Variants in AXDND1 observed in about 807,000 individuals in gnomAD.
The protein encoded by AXDND1 is axonemal dynein light chain domain-containing protein 1.
AXDND1 carries 110 observed loss-of-function variants against 137.5 expected under a neutral mutation model. That is an observed-to-expected ratio of 0.80 (90% CI 0.69 to 0.94). The LOEUF (loss-of-function observed/expected upper bound fraction) is 0.94, where lower values mean the gene tolerates loss of function less well. Among genes scored for constraint, AXDND1 ranks in the 40% least tolerant of loss-of-function variants. The probability of loss-of-function intolerance (pLI) is 0.00; values close to 1 mark genes in which losing one functional copy is unlikely to be tolerated. For missense variants in AXDND1, 1,191 were observed against 1,169.8 expected, an observed-to-expected ratio of 1.02 and a Z score of -0.26; for synonymous variants, 414 against 399.7, an observed-to-expected ratio of 1.04 and a Z score of -0.43.
chr1:179,462,153 G>A (rs575765201), intron 16 of AXDND1, among the ~76,000 whole-genome samples: 1 of 152,228 alleles, frequency 6.6e-6, no homozygotes, highest in South Asian at 2.1e-4. Flanking sequence ...TCCTGTTTTT[G>A]CCCATTCAGT....
rs1403395206 is a variant in AXDND1 at position 179,491,572 on chromosome 1, T to G, written c.2126T>G (p.Met709Arg). ...TTACATATATCTATGATCCAGTGGATGGTAAACTTGCTGATTTTAATGATA... is the reference window on the plus strand; with the variant it reads ...TTACATATATCTATGATCCAGTGGAGGGTAAACTTGCTGATTTTAATGATA... ...DELHISMIQW[M>R]VNLLILMIPN... The change falls in exon 19 of 26, where the codon ATG becomes AGG. Residue 709 changes from methionine to arginine, a missense_variant. By Grantham distance (91) the Met-to-Arg change is moderately conservative. Transcript: ENST00000367618. 1.2e-6 allele frequency: 2 copies of G among 1,611,954 alleles called. No individual in the cohort carries two copies.
intron 24 of AXDND1, 118 bp downstream of exon 24, chr1:179,533,995 G>A: frequency 2.6e-6 from 2 of 758,032 alleles, no homozygotes; most frequent in Non-Finnish European, 2.2e-6. Context: ...TCCACATTAG[G>A]GGGATGTGTA....
intron 21 of AXDND1, among the ~76,000 whole-genome samples, chr1:179,520,557 A>G (rs1669956679): frequency 6.6e-6 from 1 of 151,916 alleles, no homozygotes; most frequent in South Asian, 2.1e-4. Context: ...GGACTATGGC[A>G]TGCACCACTG....
At chr1:179,379,531 T>A (rs531566272) in intron 6 of AXDND1, 49 bp downstream of exon 6, 2 of 1,600,578 alleles carry the variant, frequency 1.2e-6, no homozygotes, top group South Asian at 2.2e-5. Context: ...CGGTGGCCCA[T>A]GCCTGTAATC....
chr1:179,462,383 C>A (rs945647765), intron 16 of AXDND1, among the ~76,000 whole-genome samples: 1 of 152,080 alleles, frequency 6.6e-6, no homozygotes, highest in Non-Finnish European at 1.5e-5. Flanking sequence ...GCCTTGAATC[C>A]CAGGGATGAA....
chr1:179,373,979 T>G (rs536001475), intron 4 of AXDND1, among the ~76,000 whole-genome samples: 6 of 152,026 alleles, frequency 3.9e-5, no homozygotes, highest in East Asian at 3.9e-4. Flanking sequence ...TGACAAATGG[T>G]ATCTAATTAA....
At chr1:179,448,101 C>G in intron 16 of AXDND1, 1 of 925,794 alleles carries the variant, frequency 1.1e-6, no homozygotes, top group Non-Finnish European at 1.7e-6. Context: ...TATCAAATTC[C>G]TCATTAATTA....
At chr1:179,491,836 C>A in intron 19 of AXDND1, 99 bp downstream of exon 19, 2 of 1,074,350 alleles carry the variant, frequency 1.9e-6, no homozygotes, top group Non-Finnish European at 2.6e-6. Context: ...TATTTTAAAA[C>A]CTTGAAAGAA....
At chr1:179,418,435 C>T (rs1571738528) in intron 12 of AXDND1, among the ~76,000 whole-genome samples, 1 of 152,262 alleles carries the variant, frequency 6.6e-6, no homozygotes, top group Non-Finnish European at 1.5e-5. Flanking sequence ...ATCTTTTCCC[C>T]ACCTTTTCCC....
chr1:179,411,209 A>G lies in AXDND1; in HGVS notation c.1173A>G (p.Lys391=). The change falls in exon 12 of 26, where the codon AAA becomes AAG. Residue 391 remains lysine (K), a synonymous_variant. Coordinates refer to ENST00000367618, the MANE Select transcript of AXDND1 (RefSeq NM_144696.6). ...GAGAAAGGATGGAGAATGATATGAA[A>G]AAGTTAGTGGCAGAAAGAGATATCT... ...LQRERMENDM[K]KLVAERDIWS... The G allele has an allele frequency of 6.2e-7, 1 of 1,612,804 alleles. No homozygotes were observed.
At chr1:179,512,691 G>A (rs773372085) in intron 21 of AXDND1, among the ~76,000 whole-genome samples, 2 of 152,190 alleles carry the variant, frequency 1.3e-5, no homozygotes, top group Middle Eastern at 3.4e-3. Context: ...CTACTCATCC[G>A]TGAGCTTGGG....
At chr1:179,413,549 T>C (rs4489519) in intron 12 of AXDND1, among the ~76,000 whole-genome samples, 97,778 of 152,118 alleles carry the variant, frequency 0.64, 31,809 homozygotes, top group Middle Eastern at 0.7. Context: ...GCCTTCAGCT[T>C]CATCCATGTT....
intron 15 of AXDND1, among the ~76,000 whole-genome samples, chr1:179,434,739 C>T (rs1657891445): frequency 6.6e-6 from 1 of 152,092 alleles, no homozygotes; most frequent in African/African-American, 2.4e-5. Context: ...AACCCACAGC[C>T]AATATCATAC....
intron 16 of AXDND1, among the ~76,000 whole-genome samples, chr1:179,459,690 TCTTTCTTTCTTTC>T (rs1339503769): frequency 2.1e-5 from 3 of 141,752 alleles, no homozygotes; most frequent in African/African-American, 5.5e-5. Context: ...TCTTTTCTTT[TCTTTCTTTCTTTC>T]CTTTCTTTCT....
intron 21 of AXDND1, among the ~76,000 whole-genome samples, chr1:179,511,772 G>A (rs1317694025): frequency 6.6e-6 from 1 of 151,990 alleles, no homozygotes. Flanking sequence ...GAGTAGGGTG[G>A]TATTGCATTG....
chr1:179,503,636 G>A (rs1321681716), intron 20 of AXDND1, among the ~76,000 whole-genome samples: 2 of 151,968 alleles, frequency 1.3e-5, no homozygotes, highest in African/African-American at 2.4e-5. Flanking sequence ...CATGTGCCAT[G>A]TTGGTGTGCT....
At chr1:179,506,943 G>C in intron 20 of AXDND1, 2 of 974,848 alleles carry the variant, frequency 2.1e-6, no homozygotes, top group Non-Finnish European at 2.4e-6. Flanking sequence ...TCAAGCCCCA[G>C]CTTTCCTTCC....
rs776768071 is a variant in AXDND1, at chr1:179,525,357, G to A, written c.2520G>A (p.Glu840=). ...AGGAGGCTGTAAAAGAATTCATTGA[G>A]CCTGAAATAGACGAGTCTTTTAAAG... ...LEEEAVKEFI[E]PEIDESFKED... is the part of the protein sequence containing the mutation. The change falls in exon 22 of 26, where the codon GAG becomes GAA. Residue 840 remains glutamate, a synonymous_variant. Transcript: ENST00000367618. The A allele has an allele frequency of 3.7e-6, 6 of 1,611,648 alleles. No homozygotes were observed. The South Asian group carries it at 5.5e-5, about 15-fold the overall frequency.
intron 9 of AXDND1, among the ~76,000 whole-genome samples, chr1:179,391,058 G>T (rs1156892457): frequency 4.0e-5 from 6 of 151,050 alleles, no homozygotes; most frequent in Non-Finnish European, 8.8e-5. Context: ...CACCCACCTC[G>T]GGCCCCCAAA....
Sources: gnomAD v4.1 joint callset for allele counts (sites outside exome capture counted in the v4.1 genomes callset) on GRCh38, gnomAD v4.1.1 for gene constraint, MANE v1.5 for transcripts, NCBI Gene and HGNC (gene_info 2026-07-23, HGNC 2026-07-21) for gene names.